CUL3: variants seen among roughly 807,000 people sequenced by gnomAD.
CUL3 encodes cullin 3, also known as cullin-3.
In CUL3, 19 loss-of-function variants were observed where a neutral mutation model predicts 89.1. The ratio of observed to expected loss-of-function variants is 0.21; its 90% CI spans 0.15 to 0.31. The LOEUF (loss-of-function observed/expected upper bound fraction) is 0.31. Among genes scored for constraint, CUL3 ranks in the 10% least tolerant of loss-of-function variants. The probability of loss-of-function intolerance (pLI) is 1.00; values close to 1 mark genes in which losing one functional copy is unlikely to be tolerated. For synonymous variants in CUL3, 351 were observed against 308.4 expected, an observed-to-expected ratio of 1.14 and a Z score of -1.45; for missense variants, 469 against 942.3, an observed-to-expected ratio of 0.50 and a Z score of 6.58.
chr2:224,557,883 CAAAAA>C (rs748754000), intron 1 of CUL3, 27 bp from the exon 2 acceptor site: 52 of 112,510 alleles, frequency 4.6e-4, no homozygotes, highest in Non-Finnish European at 5.6e-4. Flanking sequence ...AGAGAAGAGA[CAAAAA>C]AAAAAAAAAA....
chr2:224,470,342 T>C lies in CUL3; in HGVS notation c.*3903A>G, dbSNP rs1031102069. 1 of 228,632 alleles carries C rather than the reference T, an allele frequency of 4.4e-6. No homozygotes were observed. Among genetic ancestry groups the C allele is most frequent in the Non-Finnish European group, 8.7e-6 (1 of 115,212 alleles). The allele number at this position is 228,632 out of a possible 1,614,324, so 14.2% of individuals were successfully genotyped here. ...TTTGCATGGCTCACTCGAGGTCAAC[T>C]TAGACCCTAAAACTGAGCATCAAAT... is the stretch of plus-strand genomic sequence containing the variant. On this transcript the variant is annotated 3_prime_UTR_variant, in exon 16 of 16. Coordinates refer to ENST00000264414, the MANE Select transcript of CUL3 (RefSeq NM_003590.5).
At position 224,471,180 on chromosome 2, in the gene CUL3, A is replaced by G. The variant is rs866374810; in HGVS notation, c.*3065T>C. The G allele has an allele frequency of 9.4e-6, 2 of 212,924 alleles. No homozygotes were observed. The highest frequency in any genetic ancestry group is 1.9e-5 in the Non-Finnish European group (2 of 105,306). 13.2% of individuals were successfully genotyped at this position (212,924 alleles called of 1,614,324 possible). On this transcript the variant is annotated 3_prime_UTR_variant, in exon 16 of 16. Coordinates refer to ENST00000264414, the MANE Select transcript of CUL3 (RefSeq NM_003590.5). ...TACAGAATGCAAAATACTATGCAACATATAGTAAAATACATGACCTACAAT... is the reference window on the plus strand; with the variant it reads ...TACAGAATGCAAAATACTATGCAACGTATAGTAAAATACATGACCTACAAT...
chr2:224,529,461 C>CA (rs34911671), intron 3 of CUL3, among the ~76,000 whole-genome samples: 161 of 127,402 alleles, frequency 1.3e-3, no homozygotes, highest in South Asian at 6.5e-3. Flanking sequence ...ACTAAAAATA[C>CA]AAAAAAAAAA....
chr2:224,541,582 T>C (rs1694105391), intron 2 of CUL3, among the ~76,000 whole-genome samples: 1 of 152,148 alleles, frequency 6.6e-6, no homozygotes, highest in Non-Finnish European at 1.5e-5. Flanking sequence ...AACAGAGAAA[T>C]GAAAACTTAC....
intron 1 of CUL3, among the ~76,000 whole-genome samples, chr2:224,573,649 A>G (rs1695234767): frequency 6.6e-6 from 1 of 152,198 alleles, no homozygotes; most frequent in South Asian, 2.1e-4. Flanking sequence ...CCCCTGGCTA[A>G]TAATTTAAAA....
At chr2:224,553,192 T>A (rs1196425305) in intron 2 of CUL3, among the ~76,000 whole-genome samples, 1 of 152,328 alleles carries the variant, frequency 6.6e-6, no homozygotes, top group East Asian at 1.9e-4. Flanking sequence ...TGTGTTTATA[T>A]GATTATTAAA....
intron 1 of CUL3, among the ~76,000 whole-genome samples, chr2:224,571,692 T>TG (rs1695184332): frequency 6.6e-6 from 1 of 152,222 alleles, no homozygotes; most frequent in African/African-American, 2.4e-5. Context: ...ACTTTCCCAC[T>TG]GCTTCACATT....
rs1034800855 is a variant in CUL3 at position 224,584,987 on chromosome 2, G to A, written c.23C>T (p.Thr8Met). The change falls in exon 1 of 16, where the codon ACG becomes ATG. Residue 8 changes from threonine to methionine, a missense_variant. Physicochemically the swap from Thr to Met is moderately conservative, Grantham distance 81 (BLOSUM62 -1). Coordinates refer to ENST00000264414, the MANE Select transcript of CUL3 (RefSeq NM_003590.5). MSNLSKG[T>M]GSRKDTKMRI... ...CATCTTGGTGTCCTTCCGGCTGCCCGTGCCTTTGCTCAGATTCGACATGGT... is the reference window on the plus strand; with the variant it reads ...CATCTTGGTGTCCTTCCGGCTGCCCATGCCTTTGCTCAGATTCGACATGGT... 4.6e-6 allele frequency: 7 copies of A among 1,508,408 alleles called. No homozygotes were observed. In the African/African-American group the frequency reaches 5.8e-5, roughly 12 times the overall value. The allele number at this position is 1,508,408 out of a possible 1,614,324, so 93.4% of individuals were successfully genotyped here. A position where few individuals can be genotyped will look rare whatever the true frequency, so the allele number is the denominator to read the frequency against.
chr2:224,547,364 G>A (rs916076510), intron 2 of CUL3, among the ~76,000 whole-genome samples: 8 of 151,822 alleles, frequency 5.3e-5, no homozygotes, highest in Non-Finnish European at 1.2e-4. Context: ...ATCTCACTAC[G>A]CTCATACCTA....
chr2:224,495,783 T>G (rs2106179191), intron 13 of CUL3, 49 bp downstream of exon 13: 3 of 1,494,334 alleles, frequency 2.0e-6, no homozygotes, highest in Non-Finnish European at 2.7e-6. Flanking sequence ...AAGTAACAAG[T>G]GAGAGTTAGA....
intron 13 of CUL3, among the ~76,000 whole-genome samples, chr2:224,490,962 A>T (rs965366192): frequency 3.3e-5 from 5 of 152,128 alleles, no homozygotes; most frequent in African/African-American, 1.2e-4. Flanking sequence ...GTATCCCATA[A>T]ATATATACAT....
chr2:224,474,112 G>T lies in CUL3; in HGVS notation c.*133C>A. The T allele has an allele frequency of 3.4e-6, 3 of 882,922 alleles. No homozygotes were observed. The highest frequency in any genetic ancestry group is 1.7e-5 in the African/African-American group (1 of 59,342). 54.7% of individuals were successfully genotyped at this position (882,922 alleles called of 1,614,324 possible). A position where few individuals can be genotyped will look rare whatever the true frequency, so the allele number is the denominator to read the frequency against. Reference sequence around the variant, plus strand: ...AAACTCTCAAAGGGAGTAAAGGCTTGATCTCAATGGTCTAGAACATGTACT... The same window carrying T: ...AAACTCTCAAAGGGAGTAAAGGCTTTATCTCAATGGTCTAGAACATGTACT... On this transcript the variant is annotated 3_prime_UTR_variant, in exon 16 of 16. Transcript: ENST00000264414.
chr2:224,531,067 T>G (rs532852615), intron 3 of CUL3, among the ~76,000 whole-genome samples: 47 of 151,162 alleles, frequency 3.1e-4, no homozygotes, highest in Non-Finnish European at 3.2e-4. Context: ...ATCAACACTT[T>G]CTTTTTGAAC....
At chr2:224,509,922 C>A (rs978719919) in intron 6 of CUL3, among the ~76,000 whole-genome samples, 1 of 152,186 alleles carries the variant, frequency 6.6e-6, no homozygotes, top group Non-Finnish European at 1.5e-5. Flanking sequence ...ATACAGCCTG[C>A]CATCTATTTA....
At position 224,495,966 on chromosome 2, in the gene CUL3, CCT is replaced by C; in HGVS notation, c.1708-2_1708-1del. 1 of 1,608,040 alleles carries C rather than the reference CCT, an allele frequency of 6.2e-7. No homozygotes were observed. ...CCAACACCAACTTCAGATCCATCTT[CCT>C]GTTTCATTTTTAAAAAAATATAAAC... is the stretch of plus-strand genomic sequence containing the variant. On this transcript the variant is annotated splice_acceptor_variant, in intron 12 of 15. Coordinates refer to ENST00000264414, the MANE Select transcript of CUL3 (RefSeq NM_003590.5). LOFTEE classifies it high-confidence loss of function.
chr2:224,584,866 G>A (rs944791636), intron 1 of CUL3, 78 bp downstream of exon 1: 9 of 1,133,850 alleles, frequency 7.9e-6, no homozygotes, highest in African/African-American at 1.7e-5. Context: ...CCTGTTGGGG[G>A]ACTTCAGCCC....
chr2:224,505,012 C>A (rs1463000006), intron 8 of CUL3, among the ~76,000 whole-genome samples: 2 of 152,150 alleles, frequency 1.3e-5, no homozygotes, highest in African/African-American at 2.4e-5. Flanking sequence ...TGACATATAA[C>A]CTTCAGAACC....
intron 3 of CUL3, among the ~76,000 whole-genome samples, chr2:224,530,850 T>C (rs1317615070): frequency 6.6e-6 from 1 of 152,118 alleles, no homozygotes; most frequent in African/African-American, 2.4e-5. Context: ...GAGGCTGCAG[T>C]GAGCAAAGAC....
rs1341878975 is a variant in CUL3, at chr2:224,472,843, T to C, written c.*1402A>G. Reference sequence around the variant, plus strand: ...AGAAACCATCTTCTGAGACATACATTCTAATAAATGTATCAACAGTACTGA... The same window carrying C: ...AGAAACCATCTTCTGAGACATACATCCTAATAAATGTATCAACAGTACTGA... On this transcript the variant is annotated 3_prime_UTR_variant, in exon 16 of 16. Transcript: ENST00000264414. 9.6e-6 allele frequency: 2 copies of C among 208,756 alleles called. No individual in the cohort carries two copies. Among genetic ancestry groups the C allele is most frequent in the East Asian group, 1.5e-4 (2 of 13,740 alleles). 12.9% of individuals were successfully genotyped at this position (208,756 alleles called of 1,614,324 possible). A position where few individuals can be genotyped will look rare whatever the true frequency, so the allele number is the denominator to read the frequency against.
Sources: allele counts gnomAD v4.1 joint callset (sites outside exome capture counted in the v4.1 genomes callset), GRCh38; gene constraint gnomAD v4.1.1; transcripts MANE v1.5; gene names NCBI Gene and HGNC (gene_info 2026-07-23, HGNC 2026-07-21).